Variants in SPECC1L observed in about 807,000 individuals in gnomAD.
SPECC1L encodes the protein sperm antigen with calponin homology and coiled-coil domains 1 like.
Under a neutral mutation model 116.8 loss-of-function variants are expected in SPECC1L, and 40 were observed. That is an observed-to-expected ratio of 0.34 (90% confidence interval 0.27 to 0.45). The LOEUF is 0.45. Ranked by LOEUF, SPECC1L falls within the 20% of genes least tolerant of loss-of-function variation. The probability of loss-of-function intolerance (pLI) is 1.00; values close to 1 mark genes in which losing one functional copy is unlikely to be tolerated. For missense variants in SPECC1L, 1,110 were observed against 1,373.6 expected, an observed-to-expected ratio of 0.81 and a Z score of 3.03; for synonymous variants, 504 against 500.6, an observed-to-expected ratio of 1.01 and a Z score of -0.09.
chr22:24,319,756 C>G (rs895389982), intron 4 of SPECC1L, among the ~76,000 whole-genome samples: 1 of 152,178 alleles, frequency 6.6e-6, no homozygotes, highest in South Asian at 2.1e-4. Context: ...CTCCTGTATA[C>G]CTGTTCTGTT....
chr22:24,365,756 G>A, intron 13 of SPECC1L, 124 bp downstream of exon 13: 1 of 1,110,480 alleles, frequency 9.0e-7, no homozygotes, highest in Non-Finnish European at 1.3e-6. Context: ...TGTGTTGTTT[G>A]CGAATCTTTC....
chr22:24,334,486 A>T lies in SPECC1L; in HGVS notation c.2473A>T (p.Met825Leu), dbSNP rs1420680182. Residue 825 changes from methionine (M) to leucine (L), a missense_variant, in exon 9 of 17, where the codon ATG (methionine) becomes TTG (leucine). Around this residue, in one of 4 missense-constraint regions of SPECC1L, gnomAD observed 575 missense variants for 682.4 expected, o/e 0.84. Transcript: ENST00000314328. The stretch of plus-strand genomic sequence containing the variant: ...AGATTTGGCAGCCTTAAGGCAGGGA[A>T]TGGGACTGAGTAGAAGGTCCTCGAC... ...ERDLAALRQG[M>L]GLSRRSSTSS... 6.2e-7 allele frequency: 1 copy of T among 1,614,178 alleles called. No homozygotes were observed. The highest frequency in any genetic ancestry group is 2.2e-5 in the East Asian group (1 of 44,880).
At chr22:24,327,277 CAAAAAAAAAAAAA>C (rs58725731) in intron 6 of SPECC1L, among the ~76,000 whole-genome samples, 2,028 of 42,224 alleles carry the variant, frequency 0.048, 93 homozygotes, top group African/African-American at 0.14. Context: ...GACTCCGTCT[CAAAAAAAAAAAAA>C]AAAAAAAAAA....
intron 2 of SPECC1L, among the ~76,000 whole-genome samples, chr22:24,283,087 G>T (rs546676660): frequency 2.7e-5 from 4 of 146,266 alleles, no homozygotes; most frequent in East Asian, 2.0e-4. Context: ...CGATAACTTT[G>T]TTTTTTTTTG....
intron 11 of SPECC1L, among the ~76,000 whole-genome samples, chr22:24,352,281 GCA>G (rs1423227904): frequency 1.3e-5 from 2 of 152,222 alleles, no homozygotes; most frequent in Non-Finnish European, 2.9e-5. Context: ...GTTGGAAAGT[GCA>G]CAGTGACCAG....
At chr22:24,325,229 C>T (rs1174771367) in intron 6 of SPECC1L, among the ~76,000 whole-genome samples, 2 of 152,190 alleles carry the variant, frequency 1.3e-5, no homozygotes, top group East Asian at 3.9e-4. Context: ...TGGCAGTGTC[C>T]CTCACAGTAG....
In SPECC1L at chr22:24,321,915, C is replaced by T; in HGVS notation, c.935C>T (p.Ser312Phe). Reference protein sequence around the residue: ...NQSDGGGTLTSSVEGSAPGSV... With the variant: ...NQSDGGGTLTFSVEGSAPGSV... The stretch of plus-strand genomic sequence containing the variant: ...AGCGATGGAGGAGGAACTCTGACTT[C>T]TTCAGTGGAAGGCTCTGCCCCTGGC... The change falls in exon 5 of 17, where the codon TCT becomes TTT. Residue 312 changes from serine to phenylalanine, a missense_variant. Coordinates refer to ENST00000314328, the MANE Select transcript of SPECC1L (RefSeq NM_015330.6). The T allele has an allele frequency of 1.2e-6, 2 of 1,614,230 alleles. No individual in the cohort carries two copies. The highest frequency in any genetic ancestry group is 1.7e-6 in the Non-Finnish European group (2 of 1,180,044).
At chr22:24,347,049 C>A in intron 10 of SPECC1L, 37 bp from the exon 11 acceptor site, 1 of 1,511,850 alleles carries the variant, frequency 6.6e-7, no homozygotes, top group Non-Finnish European at 9.2e-7. Flanking sequence ...TCCAAACAGT[C>A]ATTTTAACTT....
In SPECC1L at chr22:24,342,672, CAA is replaced by C. The variant is rs35947804; in HGVS notation, c.2652+4212_2652+4213del. Reference sequence around the variant, plus strand: ...TGGGCTACAGAGCAGGACTCCATCTCAAAAAAAAAAAAAAAAAAGAAATAGAG... The same window carrying C: ...TGGGCTACAGAGCAGGACTCCATCTCAAAAAAAAAAAAAAAAGAAATAGAG... On this transcript the variant is annotated intron_variant, in intron 10 of 16. Transcript: ENST00000314328. 8.2e-3 allele frequency among the ~76,000 whole-genome samples: 842 copies of C among 102,108 alleles called. 4 individuals carry two copies. The highest frequency in any genetic ancestry group is 0.019 in the African/African-American group (527 of 27,742). The allele number at this position is 102,108 out of a possible 152,430, so 67.0% of individuals were successfully genotyped here.
chr22:24,273,300 A>G (rs1258520938), intron 1 of SPECC1L, among the ~76,000 whole-genome samples: 1 of 152,220 alleles, frequency 6.6e-6, no homozygotes. Flanking sequence ...GTATTATGCA[A>G]ACTGCTCAGC....
chr22:24,395,603 C>T (rs1277828053), intron 14 of SPECC1L, among the ~76,000 whole-genome samples: 1 of 151,820 alleles, frequency 6.6e-6, no homozygotes, highest in East Asian at 1.9e-4. Flanking sequence ...TTTGGGGATC[C>T]ACACTTTTTA....
chr22:24,352,350 G>T (rs1179354737), intron 11 of SPECC1L, among the ~76,000 whole-genome samples: 1 of 152,208 alleles, frequency 6.6e-6, no homozygotes, highest in Non-Finnish European at 1.5e-5. Context: ...TGGTTGAGAA[G>T]CCTGGGATTG....
chr22:24,408,110 A>G (rs1043923221), intron 14 of SPECC1L, among the ~76,000 whole-genome samples: 4 of 152,170 alleles, frequency 2.6e-5, no homozygotes, highest in Non-Finnish European at 5.9e-5. Flanking sequence ...GCCTAGGGCA[A>G]GGGTTCCTGT....
At position 24,276,749 on chromosome 22, in the gene SPECC1L, C is replaced by T. The variant is rs569328586; in HGVS notation, c.-92C>T. On this transcript the variant is annotated 5_prime_UTR_variant, in exon 2 of 17. Coordinates refer to ENST00000314328, the MANE Select transcript of SPECC1L (RefSeq NM_015330.6). ...AGCCATTTTCCAGTGGCACCTCTTC[C>T]ATCATGAGTTCCTGAGGCAGTCCGA... 1 of 453,672 alleles carries T rather than the reference C, an allele frequency of 2.2e-6. No homozygotes were observed. The highest frequency in any genetic ancestry group is 2.0e-5 in the African/African-American group (1 of 50,096). 28.1% of individuals were successfully genotyped at this position (453,672 alleles called of 1,614,324 possible).
intron 3 of SPECC1L, among the ~76,000 whole-genome samples, chr22:24,307,154 G>T (rs947139982): frequency 6.6e-6 from 1 of 152,022 alleles, no homozygotes; most frequent in Non-Finnish European, 1.5e-5. Flanking sequence ...TTCAATTTTG[G>T]GGGGGGTATA....
In SPECC1L at chr22:24,321,678, C is replaced by T. The variant is rs2040726432; in HGVS notation, c.698C>T (p.Ala233Val). 4 of 1,614,114 alleles carry T rather than the reference C, an allele frequency of 2.5e-6. No homozygotes were observed. The highest frequency in any genetic ancestry group is 3.4e-6 in the Non-Finnish European group (4 of 1,180,050). Reference sequence around the variant, plus strand: ...AAATCTGAGAAGGAAACTATTATGGCTCACCAGCCGACTGATGTGGAGTCC... The same window carrying T: ...AAATCTGAGAAGGAAACTATTATGGTTCACCAGCCGACTGATGTGGAGTCC... ...DEKSEKETIMAHQPTDVESTL... is the reference protein window; with the variant it reads ...DEKSEKETIMVHQPTDVESTL... Residue 233 changes from alanine to valine, a missense_variant, in exon 5 of 17, where the codon GCT (alanine) becomes GTT (valine). By Grantham distance (64) the Ala-to-Val change is moderately conservative (BLOSUM62 0). Around this residue, in one of 4 missense-constraint regions of SPECC1L, gnomAD observed 437 missense variants for 482.6 expected, o/e 0.91. Coordinates refer to ENST00000314328, the MANE Select transcript of SPECC1L (RefSeq NM_015330.6).
Position 24,321,601 on chromosome 22 carries a change from A to G in SPECC1L, c.621A>G (p.Arg207=). The part of the protein sequence containing the change: ...VEILHLRNEL[R]DMRAQLGINE... ...TTTTACATTTGAGAAATGAACTGCG[A>G]GACATGCGTGCCCAGCTGGGCATTA... is the stretch of plus-strand genomic sequence containing the variant. The change falls in exon 5 of 17, where the codon CGA becomes CGG. Residue 207 remains arginine (R), a synonymous_variant. Coordinates refer to ENST00000314328, the MANE Select transcript of SPECC1L (RefSeq NM_015330.6). 1.2e-6 allele frequency: 2 copies of G among 1,614,222 alleles called. No homozygotes were observed. The highest frequency in any genetic ancestry group is 1.7e-6 in the Non-Finnish European group (2 of 1,180,038).
intron 2 of SPECC1L, among the ~76,000 whole-genome samples, chr22:24,301,131 C>G (rs908976145): frequency 6.6e-6 from 1 of 152,120 alleles, no homozygotes; most frequent in Non-Finnish European, 1.5e-5. Flanking sequence ...TCTAAGTAAA[C>G]TAAAGAGCTT....
intron 11 of SPECC1L, among the ~76,000 whole-genome samples, chr22:24,355,761 C>G (rs1029085757): frequency 1.3e-5 from 2 of 152,102 alleles, no homozygotes; most frequent in African/African-American, 4.8e-5. Context: ...GTAATGCAGT[C>G]AGATTAATTT....
Sources: allele counts gnomAD v4.1 joint callset (sites outside exome capture counted in the v4.1 genomes callset), GRCh38; gene constraint gnomAD v4.1.1; regional missense constraint gnomAD v4.1.1; transcripts MANE v1.5; gene names NCBI Gene and HGNC (gene_info 2026-07-23, HGNC 2026-07-21).